Variants in NUTF2 observed in about 807,000 individuals in gnomAD.
The protein encoded by NUTF2 is placental protein 15.
A neutral mutation model predicts 18.5 loss-of-function variants in NUTF2; 3 were observed. The ratio of observed to expected loss-of-function variants is 0.16; its 90% CI spans 0.07 to 0.42. NUTF2 has a LOEUF of 0.42. Ranked by LOEUF, NUTF2 falls within the 10% of genes least tolerant of loss-of-function variation. The pLI, the probability that NUTF2 is intolerant of heterozygous loss-of-function variation, is 0.99. For synonymous variants in NUTF2, 51 were observed against 57.9 expected, an observed-to-expected ratio of 0.88 and a Z score of 0.54; for missense variants, 44 against 160.7, an observed-to-expected ratio of 0.27 and a Z score of 3.93.
intron 2 of NUTF2, among the ~76,000 whole-genome samples, chr16:67,867,695 CTTT>C (rs960447470): frequency 1.1e-4 from 17 of 151,460 alleles, no homozygotes; most frequent in African/African-American, 4.1e-4. Flanking sequence ...TTTCTGATGA[CTTT>C]TTTTTTGAGA....
chr16:67,862,741 G>A (rs1265357905), intron 1 of NUTF2, among the ~76,000 whole-genome samples: 1 of 152,140 alleles, frequency 6.6e-6, no homozygotes, highest in Non-Finnish European at 1.5e-5. Context: ...AGGTTGAAGT[G>A]GGAGGATTGC....
chr16:67,858,446 C>T lies in NUTF2; in HGVS notation c.-29-6656C>T, dbSNP rs145989517. Reference sequence around the variant, plus strand: ...CCTCCCAAAGTGCTGGGATTACAGGCGTGAGCCACTGTACCTGGCCACTAG... The same window carrying T: ...CCTCCCAAAGTGCTGGGATTACAGGTGTGAGCCACTGTACCTGGCCACTAG... On this transcript the variant is annotated intron_variant, in intron 1 of 4. Transcript: ENST00000219169. Among the ~76,000 whole-genome samples the T allele has an allele frequency of 5.7e-3, 871 of 152,254 alleles. 9 individuals carry two copies. The highest frequency in any genetic ancestry group is 0.02 in the African/African-American group (841 of 41,548).
At chr16:67,854,532 G>A (rs1161119541) in intron 1 of NUTF2, among the ~76,000 whole-genome samples, 2 of 152,176 alleles carry the variant, frequency 1.3e-5, no homozygotes, top group Admixed American at 1.3e-4. Context: ...TACCAATAGC[G>A]CTTGTTTTAG....
At chr16:67,854,580 C>G (rs988172379) in intron 1 of NUTF2, among the ~76,000 whole-genome samples, 5 of 152,212 alleles carry the variant, frequency 3.3e-5, no homozygotes, top group African/African-American at 1.2e-4. Flanking sequence ...GCCTCCAGGA[C>G]AGAGGAATAG....
chr16:67,868,618 T>C lies in NUTF2; in HGVS notation c.270+19T>C, dbSNP rs1401877755. The stretch of plus-strand genomic sequence containing the variant: ...GCTTAAGGTAATGGTACTGCCACAG[T>C]GGTAGGGAGGGGTGGGCAGGCAGAG... On this transcript the variant is annotated intron_variant, in intron 4 of 4. Transcript: ENST00000219169. The C allele has an allele frequency of 6.2e-7, 1 of 1,607,636 alleles. No individual in the cohort carries two copies. Among genetic ancestry groups the C allele is most frequent in the East Asian group, 2.2e-5 (1 of 44,816 alleles).
chr16:67,868,646 G>T (rs1448143321), intron 4 of NUTF2, 47 bp downstream of exon 4: 2 of 1,550,780 alleles, frequency 1.3e-6, no homozygotes, highest in Non-Finnish European at 1.8e-6. Context: ...AGGCAGAGGA[G>T]AGTCTTGTAC....
chr16:67,856,040 C>T (rs1163164516), intron 1 of NUTF2: 6 of 780,810 alleles, frequency 7.7e-6, no homozygotes, highest in Non-Finnish European at 1.4e-5. Flanking sequence ...CAGGGGCCGG[C>T]ACTCACCCAC....
At chr16:67,867,331 C>A (rs914120767) in intron 2 of NUTF2, among the ~76,000 whole-genome samples, 3 of 152,174 alleles carry the variant, frequency 2.0e-5, no homozygotes, top group African/African-American at 7.2e-5. Context: ...CCTAAAAGAA[C>A]AATTTATATT....
rs1598161832 is a variant in NUTF2 at position 67,856,593 on chromosome 16, C to G, written c.-29-8509C>G. 2.0e-5 allele frequency among the ~76,000 whole-genome samples: 3 copies of G among 151,738 alleles called. No individual in the cohort carries two copies. In the South Asian group the frequency reaches 6.2e-4, roughly 32 times the overall value. On this transcript the variant is annotated intron_variant, in intron 1 of 4. Coordinates refer to ENST00000219169, the MANE Select transcript of NUTF2 (RefSeq NM_005796.3). ...GCGTGATCCTGGCTCACTGCAACCTCTGCCTCCTGGGTTCAAGCAATTATC... is the reference window on the plus strand; with the variant it reads ...GCGTGATCCTGGCTCACTGCAACCTGTGCCTCCTGGGTTCAAGCAATTATC...
At chr16:67,861,959 C>T (rs1439428609) in intron 1 of NUTF2, among the ~76,000 whole-genome samples, 9 of 151,816 alleles carry the variant, frequency 5.9e-5, no homozygotes, top group Admixed American at 5.3e-4. Flanking sequence ...GGGTGGGGAT[C>T]GCAGGAGGGG....
At chr16:67,866,396 T>A (rs2057972481) in intron 2 of NUTF2, among the ~76,000 whole-genome samples, 1 of 150,074 alleles carries the variant, frequency 6.7e-6, no homozygotes, top group Admixed American at 6.7e-5. Context: ...AACTTCTGCC[T>A]CCTGGGTTCA....
intron 1 of NUTF2, among the ~76,000 whole-genome samples, chr16:67,849,921 G>A (rs1033863525): frequency 3.9e-5 from 6 of 152,154 alleles, no homozygotes; most frequent in Non-Finnish European, 8.8e-5. Flanking sequence ...GCCTCCCAAA[G>A]TGCCGGGATT....
intron 4 of NUTF2, 72 bp from the exon 5 acceptor site, chr16:67,870,724 TGCCC>T: frequency 2.2e-5 from 25 of 1,116,462 alleles, no homozygotes; most frequent in Admixed American, 1.5e-4. Flanking sequence ...AACATTTTTT[TGCCC>T]TCTTCTCCTA....
chr16:67,865,260 C>T, intron 2 of NUTF2, 31 bp downstream of exon 2: 1 of 1,483,916 alleles, frequency 6.7e-7, no homozygotes, highest in Non-Finnish European at 9.4e-7. Context: ...CCAGAATGGA[C>T]CCTAGGGGAT....
At chr16:67,857,731 C>T (rs1389436629) in intron 1 of NUTF2, among the ~76,000 whole-genome samples, 2 of 152,228 alleles carry the variant, frequency 1.3e-5, no homozygotes, top group African/African-American at 4.8e-5. Flanking sequence ...TGTGGCTGTG[C>T]CTGCTGTTTA....
intron 1 of NUTF2, among the ~76,000 whole-genome samples, chr16:67,857,594 A>AT (rs2057906363): frequency 6.6e-6 from 1 of 152,186 alleles, no homozygotes; most frequent in Non-Finnish European, 1.5e-5. Context: ...GACTCCTTAC[A>AT]GCTGGGTCCT....
chr16:67,859,707 G>A (rs189012114), intron 1 of NUTF2, among the ~76,000 whole-genome samples: 19 of 151,666 alleles, frequency 1.3e-4, no homozygotes, highest in Admixed American at 5.3e-4. Flanking sequence ...TTGTGCCCAG[G>A]CTGGTCTGGA....
intron 4 of NUTF2, among the ~76,000 whole-genome samples, chr16:67,869,040 G>T (rs2057993846): frequency 6.6e-6 from 1 of 151,828 alleles, no homozygotes; most frequent in South Asian, 2.1e-4. Context: ...CTGGCTGCTG[G>T]CTCCTTGCCT....
intron 1 of NUTF2, among the ~76,000 whole-genome samples, chr16:67,850,208 C>A (rs57721459): frequency 6.9e-6 from 1 of 144,222 alleles, no homozygotes; most frequent in Non-Finnish European, 1.5e-5. Flanking sequence ...CCTGTAACTT[C>A]TTTTTTTTTT....
Sources: allele counts gnomAD v4.1 joint callset (sites outside exome capture counted in the v4.1 genomes callset), GRCh38; gene constraint gnomAD v4.1.1; transcripts MANE v1.5; gene names NCBI Gene and HGNC (gene_info 2026-07-23, HGNC 2026-07-21).